The following BBS9 variants were observed in gnomAD, a reference collection of about 807,000 sequenced individuals.
BBS9 encodes the protein protein PTHB1.
BBS9 carries 89 observed loss-of-function variants against 117.7 expected under a neutral mutation model. That is an observed-to-expected ratio of 0.76 (90% CI 0.64 to 0.90). The LOEUF is 0.90. Ranked by LOEUF, BBS9 falls within the 40% of genes least tolerant of loss-of-function variation. The pLI is 0.00. For missense variants in BBS9, 982 were observed against 1,042.2 expected (o/e 0.94, Z 0.80); for synonymous variants, 379 against 370.9 (o/e 1.02, Z -0.25).
At chr7:33,511,191 T>C (rs550102806) in intron 20 of BBS9, among the ~76,000 whole-genome samples, 1 of 151,970 alleles carries the variant, frequency 6.6e-6, no homozygotes, top group African/African-American at 2.4e-5. Context: ...TCACTTAGAG[T>C]TGGTATGTAG....
At chr7:33,301,171 T>C (rs12537875) in intron 9 of BBS9, among the ~76,000 whole-genome samples, 42,612 of 151,828 alleles carry the variant, frequency 0.28, 6,527 homozygotes, top group Admixed American at 0.41. Context: ...TGAGATATTT[T>C]AATACAGGCA....
At chr7:33,234,775 A>C (rs1793163554) in intron 5 of BBS9, among the ~76,000 whole-genome samples, 1 of 152,066 alleles carries the variant, frequency 6.6e-6, no homozygotes, top group Admixed American at 6.6e-5. Context: ...ATTTGAATAT[A>C]TACAGACACG....
At chr7:33,446,527 C>A (rs901314700) in intron 19 of BBS9, among the ~76,000 whole-genome samples, 1 of 152,054 alleles carries the variant, frequency 6.6e-6, no homozygotes, top group Non-Finnish European at 1.5e-5. Context: ...CTGCCTATTG[C>A]CATGATCAAA....
intron 9 of BBS9, among the ~76,000 whole-genome samples, chr7:33,312,693 G>A (rs1809540143): frequency 6.6e-6 from 1 of 152,100 alleles, no homozygotes; most frequent in Admixed American, 6.6e-5. Flanking sequence ...TATTATGCTT[G>A]TGCTGTTCCA....
intron 9 of BBS9, among the ~76,000 whole-genome samples, chr7:33,312,949 A>G (rs1187633354): frequency 6.6e-6 from 1 of 152,154 alleles, no homozygotes; most frequent in Non-Finnish European, 1.5e-5. Flanking sequence ...ACTATGCTTG[A>G]AACATCATTG....
intron 5 of BBS9, among the ~76,000 whole-genome samples, chr7:33,240,203 A>C (rs1794247816): frequency 6.6e-6 from 1 of 151,868 alleles, no homozygotes; most frequent in Non-Finnish European, 1.5e-5. Context: ...TACCATATAA[A>C]AATATTAATG....
intron 19 of BBS9, among the ~76,000 whole-genome samples, chr7:33,404,180 T>A (rs1272237461): frequency 1.3e-5 from 2 of 152,136 alleles, no homozygotes; most frequent in East Asian, 3.9e-4. Context: ...TTCTGAGGGC[T>A]CTGTTCTGTT....
At chr7:33,517,424 G>A (rs888612200) in intron 20 of BBS9, among the ~76,000 whole-genome samples, 1 of 152,184 alleles carries the variant, frequency 6.6e-6, no homozygotes, top group Non-Finnish European at 1.5e-5. Context: ...TAGCCACCAT[G>A]CTCAGCCAAT....
intron 21 of BBS9, among the ~76,000 whole-genome samples, chr7:33,574,199 T>C (rs1858326919): frequency 6.6e-6 from 1 of 152,184 alleles, no homozygotes; most frequent in Non-Finnish European, 1.5e-5. Flanking sequence ...AAAAACTTTT[T>C]TTGCAAATAG....
At chr7:33,179,204 CATG>C (rs2128166815) in intron 5 of BBS9, among the ~76,000 whole-genome samples, 1 of 152,180 alleles carries the variant, frequency 6.6e-6, no homozygotes, top group Non-Finnish European at 1.5e-5. Context: ...AAAATTATAA[CATG>C]AGAAAAAAGT....
At chr7:33,616,491 GTGTATATATATA>G in intron 21 of BBS9, among the ~76,000 whole-genome samples, 1 of 138,754 alleles carries the variant, frequency 7.2e-6, no homozygotes, top group East Asian at 2.2e-4. Flanking sequence ...GTGTGTGTGT[GTGTATATATATA>G]TATATATATA....
At chr7:33,463,235 G>T (rs1018164032) in intron 19 of BBS9, among the ~76,000 whole-genome samples, 2 of 152,016 alleles carry the variant, frequency 1.3e-5, no homozygotes, top group Non-Finnish European at 2.9e-5. Flanking sequence ...TCCTTGCTTA[G>T]CGTCACGTAG....
chr7:33,527,429 G>A (rs1486168305), intron 20 of BBS9, among the ~76,000 whole-genome samples: 2 of 152,224 alleles, frequency 1.3e-5, no homozygotes, highest in East Asian at 1.9e-4. Context: ...CTCCGAGCCA[G>A]GTGTGGGATA....
At chr7:33,269,310 T>C (rs73690079) in intron 7 of BBS9, among the ~76,000 whole-genome samples, 3,589 of 152,318 alleles carry the variant, frequency 0.024, 132 homozygotes, top group African/African-American at 0.081. Context: ...CTATTTCCTG[T>C]TTATGCAGAT....
At chr7:33,266,390 G>A (rs1397680905) in intron 7 of BBS9, among the ~76,000 whole-genome samples, 1 of 152,148 alleles carries the variant, frequency 6.6e-6, no homozygotes, top group Non-Finnish European at 1.5e-5. Context: ...GTTACTCACA[G>A]CTACCTTTTT....
chr7:33,382,941 G>A lies in BBS9; in HGVS notation c.1790-725G>A, dbSNP rs572525585. Among the ~76,000 whole-genome samples the A allele has an allele frequency of 1.0e-3, 159 of 152,192 alleles. 3 individuals are homozygous for A. Among genetic ancestry groups the A allele is most frequent in the Non-Finnish European group, 5.1e-4 (35 of 68,004 alleles). ...CTTTATTTTCCTTTGTATAAAAAAG[G>A]GGCTATTGTAATCACAGTTCTTGGT... On this transcript the variant is annotated intron_variant, in intron 17 of 22. Coordinates refer to ENST00000242067, the MANE Select transcript of BBS9 (RefSeq NM_198428.3).
intron 20 of BBS9, among the ~76,000 whole-genome samples, chr7:33,506,450 AT>A (rs992376052): frequency 3.9e-5 from 6 of 152,198 alleles, no homozygotes; most frequent in East Asian, 1.9e-4. Flanking sequence ...AAAATGAACA[AT>A]TTTTTTGAGT....
At chr7:33,355,646 TA>T (rs1297749391) in intron 15 of BBS9, among the ~76,000 whole-genome samples, 1 of 151,958 alleles carries the variant, frequency 6.6e-6, no homozygotes, top group Middle Eastern at 3.2e-3. Context: ...CTACAAATCT[TA>T]GCAACTGCAA....
At chr7:33,221,003 CGTGCTTTTT>C (rs1279034170) in intron 5 of BBS9, among the ~76,000 whole-genome samples, 1 of 152,176 alleles carries the variant, frequency 6.6e-6, no homozygotes, top group Non-Finnish European at 1.5e-5. Flanking sequence ...GAGGTTTAGC[CGTGCTTTTT>C]TGCACATGCA....
Sources: gnomAD v4.1 joint callset for allele counts (sites outside exome capture counted in the v4.1 genomes callset) on GRCh38, gnomAD v4.1.1 for gene constraint, MANE v1.5 for transcripts, NCBI Gene and HGNC (gene_info 2026-07-23, HGNC 2026-07-21) for gene names.